AGAP1: variants seen among roughly 807,000 people sequenced by gnomAD.
AGAP1 encodes ArfGAP with GTPase domain, ankyrin repeat and PH domain 1, also known as arf-GAP with GTPase, ANK repeat and PH domain-containing protein 1.
A neutral mutation model predicts 105.3 loss-of-function variants in AGAP1; 29 were observed. The observed-to-expected ratio is 0.28, with a 90% CI of 0.21 to 0.38. The LOEUF (loss-of-function observed/expected upper bound fraction) is 0.38, where lower values mean the gene tolerates loss of function less well. Ranked by LOEUF, AGAP1 falls within the 10% of genes least tolerant of loss-of-function variation. The probability of loss-of-function intolerance (pLI) is 1.00; values close to 1 mark genes in which losing one functional copy is unlikely to be tolerated. For synonymous variants in AGAP1, 509 were observed against 485.9 expected, an observed-to-expected ratio of 1.05 and a Z score of -0.63; for missense variants, 998 against 1,165.1, an observed-to-expected ratio of 0.86 and a Z score of 2.09.
At chr2:235,693,728 AT>A (rs1211528707) in intron 1 of AGAP1, among the ~76,000 whole-genome samples, 2 of 152,210 alleles carry the variant, frequency 1.3e-5, no homozygotes, top group African/African-American at 4.8e-5. Context: ...AGTACTTGCT[AT>A]TCTCATAGGA....
intron 1 of AGAP1, among the ~76,000 whole-genome samples, chr2:235,538,904 AC>A: frequency 7.4e-6 from 1 of 135,116 alleles, no homozygotes; most frequent in Non-Finnish European, 1.5e-5. Flanking sequence ...ACCTGTTATT[AC>A]TTTCTTATAG....
rs537138148 is a variant in AGAP1 at position 236,050,430 on chromosome 2, G to A, written c.2114+1149G>A. On this transcript the variant is annotated intron_variant, in intron 16 of 17. Transcript: ENST00000304032. This position sits in a 1 kb window ranked among gnomAD's most constrained non-coding sequence, Gnocchi z 4.0. ...TTAAAATTGCATGGTTTTGATACGC[G>A]ACCTCTTTATGAGTTATGCTCTATA... is the stretch of plus-strand genomic sequence containing the variant. 3.5e-4 allele frequency among the ~76,000 whole-genome samples: 54 copies of A among 152,282 alleles called. No homozygotes were observed. The highest frequency in any genetic ancestry group is 6.3e-4 in the Non-Finnish European group (43 of 68,032).
At position 235,608,958 on chromosome 2, in the gene AGAP1, A is replaced by G. The variant is rs182182838; in HGVS notation, c.164-100221A>G. On this transcript the variant is annotated intron_variant, in intron 1 of 17. Coordinates refer to ENST00000304032, the MANE Select transcript of AGAP1 (RefSeq NM_001037131.3). This position sits in a 1 kb window ranked among gnomAD's most constrained non-coding sequence, Gnocchi z 5.4. ...CCCCAACTATGCAAATGATAGTACTAGGAATAATAGTAGTAGAAGTAGTAA... is the reference window on the plus strand; with the variant it reads ...CCCCAACTATGCAAATGATAGTACTGGGAATAATAGTAGTAGAAGTAGTAA... 5.3e-4 allele frequency among the ~76,000 whole-genome samples: 80 copies of G among 151,788 alleles called. No individual in the cohort carries two copies. Among genetic ancestry groups the G allele is most frequent in the African/African-American group, 1.9e-3 (79 of 41,352 alleles).
In AGAP1 at chr2:235,725,345, A is replaced by G. The variant is rs1396202426; in HGVS notation, c.310+7701A>G. Among the ~76,000 whole-genome samples the G allele has an allele frequency of 6.6e-6, 1 of 152,170 alleles. No homozygotes were observed. The highest frequency in any genetic ancestry group is 2.4e-5 in the African/African-American group (1 of 41,438). ...TAGAAACAAAACGTGGTAAACACCC[A>G]GTCTTATTTTCTGGGACACATGAAG... is the stretch of plus-strand genomic sequence containing the variant. On this transcript the variant is annotated intron_variant, in intron 3 of 17. Coordinates refer to ENST00000304032, the MANE Select transcript of AGAP1 (RefSeq NM_001037131.3). The surrounding 1 kb of genome is among the most constrained non-coding windows in gnomAD (Gnocchi z 5.7).
chr2:235,604,418 G>T (rs1312869470), intron 1 of AGAP1, among the ~76,000 whole-genome samples: 1 of 151,258 alleles, frequency 6.6e-6, no homozygotes, highest in Non-Finnish European at 1.5e-5. Flanking sequence ...GGAGGTTGAG[G>T]CTGTAGAAAA....
rs879852305 is a variant in AGAP1 at position 235,904,973 on chromosome 2, A to AT, written c.1156-3753dup. ...GCTATTTTAAATACCGATTTTATTTATTTTTTTTTTTTAGAGCTAGTTCTT... is the reference window on the plus strand; with the variant it reads ...GCTATTTTAAATACCGATTTTATTTATTTTTTTTTTTTTAGAGCTAGTTCTT... On this transcript the variant is annotated intron_variant, in intron 10 of 17. Transcript: ENST00000304032. The surrounding 1 kb of genome is among the most constrained non-coding windows in gnomAD (Gnocchi z 4.2). Among the ~76,000 whole-genome samples, 383 of 147,246 alleles carry AT rather than the reference A, an allele frequency of 2.6e-3. 1 individual carries two copies. The highest frequency in any genetic ancestry group is 0.014 in the Middle Eastern group (4 of 282).
At chr2:235,968,091 G>GT (rs1328514336) in intron 12 of AGAP1, among the ~76,000 whole-genome samples, 4 of 152,160 alleles carry the variant, frequency 2.6e-5, no homozygotes, top group Non-Finnish European at 4.4e-5. Flanking sequence ...TAAATGCATC[G>GT]TTTTCATTTC....
At chr2:235,593,958 G>A (rs2149218192) in intron 1 of AGAP1, among the ~76,000 whole-genome samples, 1 of 152,126 alleles carries the variant, frequency 6.6e-6, no homozygotes, top group African/African-American at 2.4e-5. Flanking sequence ...GACAGAGCAA[G>A]CAAGACCCTG....
intron 5 of AGAP1, among the ~76,000 whole-genome samples, chr2:235,746,377 C>CTTTTT (rs1172393048): frequency 0.05 from 2,778 of 55,504 alleles, 557 homozygotes; most frequent in African/African-American, 0.091. Flanking sequence ...CCTCCCCCAA[C>CTTTTT]TTTTTTTTTT....
In AGAP1 at chr2:235,944,848, A is replaced by G. The variant is rs114765017; in HGVS notation, c.1483+13925A>G. Reference sequence around the variant, plus strand: ...AGGCTGCGGCATCGATTCTGACCACACATTCTGGAAAAATTATCATCCTAC... The same window carrying G: ...AGGCTGCGGCATCGATTCTGACCACGCATTCTGGAAAAATTATCATCCTAC... On this transcript the variant is annotated intron_variant, in intron 12 of 17. Coordinates refer to ENST00000304032, the MANE Select transcript of AGAP1 (RefSeq NM_001037131.3). 6.5e-3 allele frequency among the ~76,000 whole-genome samples: 996 copies of G among 152,208 alleles called. 4 individuals are homozygous for G. Among genetic ancestry groups the G allele is most frequent in the African/African-American group, 0.02 (821 of 41,540 alleles).
At chr2:235,851,413 A>AC (rs747185943) in intron 9 of AGAP1, among the ~76,000 whole-genome samples, 1 of 152,076 alleles carries the variant, frequency 6.6e-6, no homozygotes, top group Non-Finnish European at 1.5e-5. Context: ...TCCGCATGTC[A>AC]CCCCCTTTCC....
intron 15 of AGAP1, among the ~76,000 whole-genome samples, chr2:236,048,186 A>G (rs931542518): frequency 6.6e-6 from 1 of 152,172 alleles, no homozygotes; most frequent in African/African-American, 2.4e-5. Context: ...ATCAAGGTCA[A>G]CCCTATCTCT....
chr2:235,545,998 C>G (rs761683893), intron 1 of AGAP1, among the ~76,000 whole-genome samples: 4 of 152,232 alleles, frequency 2.6e-5, no homozygotes, highest in Non-Finnish European at 4.4e-5. Context: ...CCTCATTCTT[C>G]AAGATTCAGC....
intron 9 of AGAP1, among the ~76,000 whole-genome samples, chr2:235,852,118 T>C (rs1298753635): frequency 1.3e-5 from 2 of 152,108 alleles, no homozygotes; most frequent in Admixed American, 1.3e-4. Context: ...GAAATGGAAA[T>C]GTATATTTAA....
Position 236,038,223 on chromosome 2 carries a change from A to C in AGAP1, c.1800+1508A>C, listed in dbSNP as rs150009130. ...CACAGGGTGCTTTGGGGCCACCTCA[A>C]TGGGAAGCAACAGCACACAGCATCC... On this transcript the variant is annotated intron_variant, in intron 14 of 17. Coordinates refer to ENST00000304032, the MANE Select transcript of AGAP1 (RefSeq NM_001037131.3). This position sits in a 1 kb window ranked among gnomAD's most constrained non-coding sequence, Gnocchi z 4.5. Among the ~76,000 whole-genome samples the C allele has an allele frequency of 6.6e-6, 1 of 152,150 alleles. No homozygotes were observed. The highest frequency in any genetic ancestry group is 2.1e-4 in the South Asian group (1 of 4,816).
rs956609930 is a variant in AGAP1 at position 235,692,535 on chromosome 2, A to ACTT, written c.164-16642_164-16640dup. ...CACTCCAGCCCCAGCATCAAACCAT[A>ACTT]CTTCGCCCTGCTGCCCCTATGCTCT... On this transcript the variant is annotated intron_variant, in intron 1 of 17. Coordinates refer to ENST00000304032, the MANE Select transcript of AGAP1 (RefSeq NM_001037131.3). This position sits in a 1 kb window ranked among gnomAD's most constrained non-coding sequence, Gnocchi z 5.8. 4.0e-5 allele frequency among the ~76,000 whole-genome samples: 6 copies of ACTT among 151,344 alleles called. No individual in the cohort carries two copies. Among genetic ancestry groups the ACTT allele is most frequent in the Middle Eastern group, 3.2e-3 (1 of 316 alleles).
chr2:235,893,647 C>T lies in AGAP1; in HGVS notation c.1155+10198C>T, dbSNP rs1452502978. Among the ~76,000 whole-genome samples the T allele has an allele frequency of 6.6e-6, 1 of 152,066 alleles. No individual in the cohort carries two copies. The highest frequency in any genetic ancestry group is 1.5e-5 in the Non-Finnish European group (1 of 68,020). ...GGCCCCATCTAGTGTACATCATTGC[C>T]TCGGGTGAGAATGTCCCTTTCTGCC... On this transcript the variant is annotated intron_variant, in intron 10 of 17. Transcript: ENST00000304032. The surrounding 1 kb of genome is among the most constrained non-coding windows in gnomAD (Gnocchi z 4.7).
At position 235,830,241 on chromosome 2, in the gene AGAP1, A is replaced by G. The variant is rs908913868; in HGVS notation, c.1050+22910A>G. Reference sequence around the variant, plus strand: ...CCCCATGACACCAGTGGGCCAGGCTACAGTCACCGTTTGAGTGCCCGTGGA... The same window carrying G: ...CCCCATGACACCAGTGGGCCAGGCTGCAGTCACCGTTTGAGTGCCCGTGGA... On this transcript the variant is annotated intron_variant, in intron 9 of 17. Transcript: ENST00000304032. This position sits in a 1 kb window ranked among gnomAD's most constrained non-coding sequence, Gnocchi z 5.5. 1.3e-5 allele frequency among the ~76,000 whole-genome samples: 2 copies of G among 152,186 alleles called. No individual in the cohort carries two copies. Among genetic ancestry groups the G allele is most frequent in the African/African-American group, 4.8e-5 (2 of 41,452 alleles).
In AGAP1 at chr2:235,517,133, C is replaced by T. The variant is rs939232678; in HGVS notation, c.163+22284C>T. On this transcript the variant is annotated intron_variant, in intron 1 of 17. Coordinates refer to ENST00000304032, the MANE Select transcript of AGAP1 (RefSeq NM_001037131.3). This position sits in a 1 kb window ranked among gnomAD's most constrained non-coding sequence, Gnocchi z 4.1. Reference sequence around the variant, plus strand: ...ATCAAGGCACTGGCAGGTTTGGCTTCTTCCCATTCTGTGCCTCACCTGGTC... The same window carrying T: ...ATCAAGGCACTGGCAGGTTTGGCTTTTTCCCATTCTGTGCCTCACCTGGTC... Among the ~76,000 whole-genome samples the T allele has an allele frequency of 6.6e-6, 1 of 152,178 alleles. No homozygotes were observed. The highest frequency in any genetic ancestry group is 2.4e-5 in the African/African-American group (1 of 41,436).
Sources: gnomAD v4.1 joint callset for allele counts (sites outside exome capture counted in the v4.1 genomes callset) on GRCh38, gnomAD v4.1.1 for gene constraint, Gnocchi (gnomAD v3.1) non-coding constraint, MANE v1.5 for transcripts, NCBI Gene and HGNC (gene_info 2026-07-23, HGNC 2026-07-21) for gene names.